PTPRD: variants seen among roughly 807,000 people sequenced by gnomAD.
PTPRD encodes the protein protein tyrosine phosphatase receptor type D.
Under a neutral mutation model 214.5 loss-of-function variants are expected in PTPRD, and 34 were observed. The observed-to-expected ratio is 0.16, with a 90% CI of 0.12 to 0.21. The LOEUF is 0.21. Among genes scored for constraint, PTPRD ranks in the 10% least tolerant of loss-of-function variants. The pLI, the probability that PTPRD is intolerant of heterozygous loss-of-function variation, is 1.00. For missense variants in PTPRD, 2,545 were observed against 2,398.7 expected (o/e 1.06, Z -1.27); for synonymous variants, 1,128 against 845.7 (o/e 1.33, Z -5.79).
chr9:10,373,428 T>C (rs2097669462), intron 2 of PTPRD, among the ~76,000 whole-genome samples: 1 of 152,106 alleles, frequency 6.6e-6, no homozygotes, highest in Non-Finnish European at 1.5e-5. Context: ...AACTTAACTT[T>C]CAGTATATGA....
At chr9:8,743,414 G>C (rs2092358784) in intron 11 of PTPRD, among the ~76,000 whole-genome samples, 1 of 152,164 alleles carries the variant, frequency 6.6e-6, no homozygotes, top group African/African-American at 2.4e-5. Flanking sequence ...CTCATGATGG[G>C]AGCTTAGCTC....
intron 2 of PTPRD, among the ~76,000 whole-genome samples, chr9:10,460,805 G>A (rs1160223024): frequency 1.3e-5 from 2 of 151,986 alleles, no homozygotes. Context: ...GAACATAGAG[G>A]AAAAGCTCCT....
At chr9:9,947,354 T>TTATATATAGTA (rs2092741519) in intron 4 of PTPRD, among the ~76,000 whole-genome samples, 9 of 56,022 alleles carry the variant, frequency 1.6e-4, no homozygotes, top group East Asian at 2.3e-3. Context: ...ATAATATATA[T>TTATATATAGTA]TATATATATT....
chr9:10,259,109 A>G (rs1448896287), intron 3 of PTPRD, among the ~76,000 whole-genome samples: 6 of 151,208 alleles, frequency 4.0e-5, no homozygotes, highest in African/African-American at 1.2e-4. Context: ...TGCAAGCTCC[A>G]CCTCCCGGGT....
At chr9:10,604,826 AT>A in intron 2 of PTPRD, among the ~76,000 whole-genome samples, 1 of 151,942 alleles carries the variant, frequency 6.6e-6, no homozygotes, top group East Asian at 1.9e-4. Flanking sequence ...AATGGGAAAT[AT>A]TTTTTCTATA....
chr9:8,762,450 G>T (rs1027786719), intron 11 of PTPRD, among the ~76,000 whole-genome samples: 3 of 152,012 alleles, frequency 2.0e-5, no homozygotes, highest in Non-Finnish European at 4.4e-5. Context: ...TAAATAATGA[G>T]AATAAATCTT....
intron 7 of PTPRD, among the ~76,000 whole-genome samples, chr9:9,676,283 C>G (rs974199970): frequency 7.6e-6 from 1 of 131,960 alleles, no homozygotes; most frequent in Admixed American, 7.9e-5. Flanking sequence ...ACCCTCCCCC[C>G]ACCCCACAAC....
intron 2 of PTPRD, among the ~76,000 whole-genome samples, chr9:10,570,222 A>G (rs964945467): frequency 6.6e-6 from 1 of 152,148 alleles, no homozygotes; most frequent in Non-Finnish European, 1.5e-5. Flanking sequence ...ATTTTGATAA[A>G]TTAGAATATC....
intron 3 of PTPRD, among the ~76,000 whole-genome samples, chr9:10,296,613 C>T (rs1385308120): frequency 2.0e-5 from 3 of 152,056 alleles, no homozygotes. Context: ...TACTCCTTGC[C>T]TCAGTCATTG....
chr9:9,347,484 A>T (rs1187499991), intron 9 of PTPRD, among the ~76,000 whole-genome samples: 12 of 151,982 alleles, frequency 7.9e-5, no homozygotes, highest in Admixed American at 7.9e-4. Context: ...CCTCAGGGTA[A>T]AACCATTTGC....
intron 4 of PTPRD, among the ~76,000 whole-genome samples, chr9:9,991,999 A>G (rs977911379): frequency 6.6e-6 from 1 of 152,206 alleles, no homozygotes; most frequent in African/African-American, 2.4e-5. Flanking sequence ...CATTACGCTA[A>G]ATGAAAGGAG....
intron 10 of PTPRD, among the ~76,000 whole-genome samples, chr9:9,142,562 C>T (rs1032013049): frequency 2.0e-5 from 3 of 152,062 alleles, no homozygotes; most frequent in Admixed American, 2.0e-4. Flanking sequence ...CTTTAAATTG[C>T]CTGTTGTATT....
At chr9:9,826,613 T>C (rs1396765740) in intron 5 of PTPRD, among the ~76,000 whole-genome samples, 1 of 152,034 alleles carries the variant, frequency 6.6e-6, no homozygotes, top group Non-Finnish European at 1.5e-5. Context: ...TGCTATTTGG[T>C]ACTCATAGTA....
chr9:9,910,478 G>A (rs959621264), intron 5 of PTPRD, among the ~76,000 whole-genome samples: 2 of 152,036 alleles, frequency 1.3e-5, no homozygotes, highest in African/African-American at 4.8e-5. Flanking sequence ...CTTGAAGGAT[G>A]TTTGAAAACA....
intron 3 of PTPRD, among the ~76,000 whole-genome samples, chr9:10,300,194 A>C (rs1001394110): frequency 6.6e-6 from 1 of 152,304 alleles, no homozygotes; most frequent in African/African-American, 2.4e-5. Context: ...TATAGTTTAT[A>C]GTTAAAATTC....
chr9:8,721,420 A>C (rs899249104), intron 12 of PTPRD, among the ~76,000 whole-genome samples: 1 of 138,680 alleles, frequency 7.2e-6, no homozygotes, highest in Non-Finnish European at 1.5e-5. Context: ...ACTGAGTGAG[A>C]CTCCATTTCA....
chr9:9,431,225 C>A (rs994663420), intron 8 of PTPRD, among the ~76,000 whole-genome samples: 3 of 149,994 alleles, frequency 2.0e-5, no homozygotes, highest in African/African-American at 7.4e-5. Flanking sequence ...CAAACAACCC[C>A]GTCAAAAAGT....
chr9:9,351,923 A>G (rs1258920484), intron 9 of PTPRD, among the ~76,000 whole-genome samples: 1 of 151,944 alleles, frequency 6.6e-6, no homozygotes, highest in Non-Finnish European at 1.5e-5. Flanking sequence ...ATTAGTCTGG[A>G]ACACAGTAAG....
intron 2 of PTPRD, among the ~76,000 whole-genome samples, chr9:10,384,187 T>A (rs1415573202): frequency 6.6e-6 from 1 of 151,790 alleles, no homozygotes; most frequent in Non-Finnish European, 1.5e-5. Context: ...AATTGGATTG[T>A]TTGTAACACA....
Sources: allele counts gnomAD v4.1 joint callset (sites outside exome capture counted in the v4.1 genomes callset), GRCh38; gene constraint gnomAD v4.1.1; transcripts MANE v1.5; gene names NCBI Gene and HGNC (gene_info 2026-07-23, HGNC 2026-07-21).